Variants in TRUB2 observed in about 807,000 individuals in gnomAD.
TRUB2 encodes TruB pseudouridine synthase family member 2.
In TRUB2, 31 loss-of-function variants were observed where a neutral mutation model predicts 31.9. That is an observed-to-expected ratio of 0.97 (90% confidence interval 0.73 to 1.31). TRUB2 has a LOEUF of 1.31. TRUB2 is among the 50% of genes most tolerant of loss of function. The probability of loss-of-function intolerance (pLI) is 0.00; values close to 1 mark genes in which losing one functional copy is unlikely to be tolerated. For synonymous variants in TRUB2, 201 were observed against 182.6 expected, an observed-to-expected ratio of 1.10 and a Z score of -0.81; for missense variants, 451 against 439.6, an observed-to-expected ratio of 1.03 and a Z score of -0.23.
intron 1 of TRUB2, 106 bp downstream of exon 1, chr9:128,322,194 C>A (rs764743343): frequency 1.9e-5 from 17 of 897,952 alleles, no homozygotes; most frequent in African/African-American, 3.3e-5. Context: ...AGCGCTCTGC[C>A]CAGGTGAATA....
rs756188353 is a variant in TRUB2, at chr9:128,310,990, G to C, written c.567C>G (p.Ala189=). 2.8e-5 allele frequency: 45 copies of C among 1,614,078 alleles called. No homozygotes were observed. The highest frequency in any genetic ancestry group is 3.6e-5 in the Non-Finnish European group (43 of 1,180,028). ...TCAGGCCTCTCACGGCCATCTCATA[G>C]GCCTCCTGGGTCTTCAGGTCGAGGT... ...YSNLDLKTQE[A]YEMAVRGLIR... is the part of the protein sequence containing the mutation. The change falls in exon 7 of 8, where the codon GCC becomes GCG. Residue 189 remains alanine, a synonymous_variant. Transcript: ENST00000372890.
rs1288095764 is a variant in TRUB2, at chr9:128,306,467, G to C, written c.*3083C>G. On this transcript the variant is annotated 3_prime_UTR_variant, in exon 8 of 8. Coordinates refer to ENST00000372890, the MANE Select transcript of TRUB2 (RefSeq NM_015679.3). ...CTCTTTTTTTTTTTTTTTTGAGACA[G>C]AGTCTCACTCTGTCACCTAGGCTGG... The C allele has an allele frequency of 7.0e-6, 1 of 142,380 alleles. No individual in the cohort carries two copies. The highest frequency in any genetic ancestry group is 1.5e-5 in the Non-Finnish European group (1 of 66,280). The allele number at this position is 142,380 out of a possible 1,614,324, so 8.8% of individuals were successfully genotyped here. A position where few individuals can be genotyped will look rare whatever the true frequency, so the allele number is the denominator to read the frequency against.
In TRUB2 at chr9:128,311,540, C is replaced by G. The variant is rs763468238; in HGVS notation, c.522G>C (p.Lys174Asn). ...ILAVIQGSHQ[K>N]ALVMYSNLDL... ...AGGGCCCTACTCACATCACCAGGGC[C>G]TTCTGATGGGAGCCTTGGATAACGG... The change falls in exon 6 of 8, where the codon AAG (lysine) becomes AAC (asparagine). Residue 174 changes from lysine (K) to asparagine (N), a missense_variant. By Grantham distance (94) the Lys-to-Asn change is moderately conservative (BLOSUM62 0). Coordinates refer to ENST00000372890, the MANE Select transcript of TRUB2 (RefSeq NM_015679.3). The G allele has an allele frequency of 6.2e-6, 10 of 1,614,018 alleles. No homozygotes were observed. Among genetic ancestry groups the G allele is most frequent in the Admixed American group, 5.0e-5 (3 of 59,990 alleles).
chr9:128,320,770 T>A (rs1372736116), intron 2 of TRUB2, among the ~76,000 whole-genome samples: 2 of 151,962 alleles, frequency 1.3e-5, no homozygotes, highest in Non-Finnish European at 2.9e-5. Context: ...GGCCTTCCCA[T>A]ATATTTTAAA....
chr9:128,310,476 A>G (rs1400196691), intron 7 of TRUB2, among the ~76,000 whole-genome samples: 1 of 151,730 alleles, frequency 6.6e-6, no homozygotes, highest in Non-Finnish European at 1.5e-5. Flanking sequence ...CATGACCAAC[A>G]GAAAAAAGGG....
intron 5 of TRUB2, 129 bp downstream of exon 5, chr9:128,313,679 G>T: frequency 1.3e-6 from 1 of 797,576 alleles, no homozygotes; most frequent in Non-Finnish European, 2.1e-6. Flanking sequence ...AGATCCCGTG[G>T]CCAAAGCCTC....
At chr9:128,320,812 C>T (rs573466287) in intron 2 of TRUB2, among the ~76,000 whole-genome samples, 27 of 151,196 alleles carry the variant, frequency 1.8e-4, no homozygotes, top group Non-Finnish European at 3.7e-4. Flanking sequence ...TTTTTTGAGA[C>T]GGAGTCTCGC....
At chr9:128,310,507 A>T (rs1831948768) in intron 7 of TRUB2, among the ~76,000 whole-genome samples, 1 of 151,868 alleles carries the variant, frequency 6.6e-6, no homozygotes, top group South Asian at 2.1e-4. Flanking sequence ...GCAGAGACAA[A>T]AGGAACACAG....
chr9:128,316,198 G>A (rs551293496), intron 3 of TRUB2: 1 of 150,682 alleles, frequency 6.6e-6, no homozygotes, highest in Non-Finnish European at 1.5e-5. Flanking sequence ...CTCCAGCTTG[G>A]GCAACAAGAG....
Position 128,322,379 on chromosome 9 carries a change from A to T in TRUB2, c.30T>A (p.His10Gln). The part of the protein sequence containing the change: MGSAGLSRL[H>Q]GLFAVYKPPG... Reference sequence around the variant, plus strand: ...GGGGCTTATAGACCGCGAAAAGCCCATGCAGCCGCGACAAGCCAGCAGACC... The same window carrying T: ...GGGGCTTATAGACCGCGAAAAGCCCTTGCAGCCGCGACAAGCCAGCAGACC... The change falls in exon 1 of 8, where the codon CAT (histidine) becomes CAA (glutamine). Residue 10 changes from histidine to glutamine, a missense_variant. Transcript: ENST00000372890. The T allele has an allele frequency of 6.2e-7, 1 of 1,614,158 alleles. No homozygotes were observed. The highest frequency in any genetic ancestry group is 8.5e-7 in the Non-Finnish European group (1 of 1,180,024).
intron 7 of TRUB2, 132 bp downstream of exon 7, chr9:128,310,755 C>T: frequency 7.7e-7 from 1 of 1,299,712 alleles, no homozygotes; most frequent in South Asian, 1.4e-5. Flanking sequence ...ATGCCTTGGC[C>T]CGCAGAGATC....
chr9:128,320,627 C>T (rs1212551528), intron 2 of TRUB2, among the ~76,000 whole-genome samples: 1 of 151,704 alleles, frequency 6.6e-6, no homozygotes, highest in Non-Finnish European at 1.5e-5. Flanking sequence ...CCACTGCACC[C>T]GGCCTTTTGT....
intron 6 of TRUB2, 66 bp downstream of exon 6, chr9:128,311,463 G>C (rs1831966480): frequency 2.0e-6 from 3 of 1,503,826 alleles, no homozygotes; most frequent in Non-Finnish European, 2.8e-6. Context: ...CCCCAGGTTT[G>C]GGGGAGCCTA....
In TRUB2 at chr9:128,309,617, G is replaced by A. The variant is rs143238440; in HGVS notation, c.929C>T (p.Pro310Leu). Residue 310 changes from proline (P) to leucine (L), a missense_variant, in exon 8 of 8, where the codon CCG becomes CTG. Transcript: ENST00000372890. ...PGLDTKQLPS[P>L]GWSWDSQGPS... Reference sequence around the variant, plus strand: ...GCCCTGGGAGTCCCAGGACCATCCCGGACTGGGGAGCTGCTTGGTGTCCAG... The same window carrying A: ...GCCCTGGGAGTCCCAGGACCATCCCAGACTGGGGAGCTGCTTGGTGTCCAG... 4.2e-5 allele frequency: 67 copies of A among 1,613,828 alleles called. 1 individual carries two copies. Among genetic ancestry groups the A allele is most frequent in the South Asian group, 2.9e-4 (26 of 91,080 alleles).
At position 128,311,044 on chromosome 9, in the gene TRUB2, T is replaced by A. The variant is rs1005461528; in HGVS notation, c.534-21A>T. On this transcript the variant is annotated intron_variant, in intron 6 of 7. Coordinates refer to ENST00000372890, the MANE Select transcript of TRUB2 (RefSeq NM_015679.3). ...AGTACCTGCAGATCAGGAAGGGGGC[T>A]GCAGCTGGGTGGCCCACCTACCCTT... 3 of 1,600,988 alleles carry A rather than the reference T, an allele frequency of 1.9e-6. No homozygotes were observed. In the African/African-American group the frequency reaches 4.5e-5, roughly 24 times the overall value.
At chr9:128,322,243 G>A in intron 1 of TRUB2, 57 bp downstream of exon 1, 1 of 1,466,750 alleles carries the variant, frequency 6.8e-7, no homozygotes. Context: ...ACCAGAAGCG[G>A]AGATGGACTT....
In TRUB2 at chr9:128,313,843, C is replaced by T. The variant is rs151182866; in HGVS notation, c.425G>A (p.Arg142His). 32 of 1,614,102 alleles carry T rather than the reference C, an allele frequency of 2.0e-5. No individual in the cohort carries two copies. Among genetic ancestry groups the T allele is most frequent in the East Asian group, 6.7e-5 (3 of 44,894 alleles). The change falls in exon 5 of 8, where the codon CGT (arginine) becomes CAT (histidine). Residue 142 changes from arginine to histidine, a missense_variant. By Grantham distance (29) the Arg-to-His change is conservative. Transcript: ENST00000372890. Reference protein sequence around the residue: ...GLLGKATDDFREDGRLVEKTT... With the variant: ...GLLGKATDDFHEDGRLVEKTT... ...CTTCTCTACCAGCCTCCCGTCCTCA[C>T]GGAAGTCATCTGTAGCTTTGCCCAG...
intron 4 of TRUB2, among the ~76,000 whole-genome samples, chr9:128,314,715 G>A (rs980936497): frequency 6.6e-5 from 10 of 151,944 alleles, no homozygotes; most frequent in African/African-American, 9.7e-5. Flanking sequence ...CACTGAGCCC[G>A]GCCACAATTT....
chr9:128,317,902 TAG>T (rs1269193046), intron 2 of TRUB2, among the ~76,000 whole-genome samples: 7 of 152,232 alleles, frequency 4.6e-5, no homozygotes, highest in African/African-American at 1.7e-4. Context: ...TACCATATAA[TAG>T]AGTCATTGAA....
Sources: gnomAD v4.1 joint callset for allele counts (sites outside exome capture counted in the v4.1 genomes callset) on GRCh38, gnomAD v4.1.1 for gene constraint, MANE v1.5 for transcripts, NCBI Gene and HGNC (gene_info 2026-07-23, HGNC 2026-07-21) for gene names.